Variants in NUTM1 observed in about 807,000 individuals in gnomAD.
NUTM1 encodes the protein NUT midline carcinoma family member 1.
A neutral mutation model predicts 88.7 loss-of-function variants in NUTM1; 39 were observed. The observed-to-expected ratio is 0.44, with a 90% CI of 0.34 to 0.57. The LOEUF (loss-of-function observed/expected upper bound fraction) is 0.57. NUTM1 is among the 20% of genes least tolerant of loss of function. The probability of loss-of-function intolerance (pLI) is 0.01; values close to 1 mark genes in which losing one functional copy is unlikely to be tolerated. For synonymous variants in NUTM1, 494 were observed against 538.0 expected (o/e 0.92, Z 1.13); for missense variants, 1,350 against 1,414.5 (o/e 0.95, Z 0.73).
At chr15:34,350,949 C>A (rs374307277) in intron 4 of NUTM1, 117 bp downstream of exon 4, 14 of 1,297,446 alleles carry the variant, frequency 1.1e-5, no homozygotes, top group South Asian at 9.0e-5. Context: ...TGGGGCGCAG[C>A]GGCTCACGCC....
Position 34,355,506 on chromosome 15 carries a change from A to G in NUTM1, c.1498A>G (p.Met500Val), listed in dbSNP as rs1250457630. 6.2e-7 allele frequency: 1 copy of G among 1,614,162 alleles called. No homozygotes were observed. The highest frequency in any genetic ancestry group is 2.2e-5 in the East Asian group (1 of 44,884). The change falls in exon 8 of 8, where the codon ATG becomes GTG. Residue 500 changes from methionine (M) to valine (V), a missense_variant. Around this residue, in one of 5 missense-constraint regions of NUTM1, gnomAD observed 126 missense variants for 189.8 expected, o/e 0.66. Coordinates refer to ENST00000537011, the MANE Select transcript of NUTM1 (RefSeq NM_001284292.2). The surrounding 1 kb of genome is among the most constrained non-coding windows in gnomAD (Gnocchi z 4.3). ...TLAQLVQKRL[M>V]ALEEEEDAEA... is the part of the protein sequence containing the mutation. ...CTTTCAGCTGGTCCAGAAGCGACTC[A>G]TGGCCTTGGAAGAGGAGGAAGATGC...
In NUTM1 at chr15:34,355,356, T is replaced by G; in HGVS notation, c.1480-132T>G. On this transcript the variant is annotated intron_variant, in intron 7 of 7. Coordinates refer to ENST00000537011, the MANE Select transcript of NUTM1 (RefSeq NM_001284292.2). This position sits in a 1 kb window ranked among gnomAD's most constrained non-coding sequence, Gnocchi z 4.3. ...AAGAAGGTGGGAAAGAGCTGCAGTA[T>G]CTGTCTTTGCTACCATCGCTTAAAC... The G allele has an allele frequency of 3.6e-6, 3 of 839,732 alleles. No homozygotes were observed. Among genetic ancestry groups the G allele is most frequent in the Non-Finnish European group, 3.8e-6 (2 of 527,018 alleles). 52.0% of individuals were successfully genotyped at this position (839,732 alleles called of 1,614,324 possible).
In NUTM1 at chr15:34,343,496, G is replaced by A; in HGVS notation, c.-201G>A. 8.1e-7 allele frequency: 1 copy of A among 1,229,310 alleles called. No homozygotes were observed. The highest frequency in any genetic ancestry group is 1.1e-6 in the Non-Finnish European group (1 of 895,308). 76.2% of individuals were successfully genotyped at this position (1,229,310 alleles called of 1,614,324 possible). On this transcript the variant is annotated 5_prime_UTR_variant, in exon 1 of 8. Transcript: ENST00000537011. The stretch of plus-strand genomic sequence containing the variant: ...CCCCTTTACCCTAGGGAAGAAAGAA[G>A]AGGTTTTCTTCCCTCCCCTCTTTTA...
chr15:34,355,355 A>G lies in NUTM1; in HGVS notation c.1480-133A>G, dbSNP rs1890782147. The G allele has an allele frequency of 1.2e-6, 1 of 831,982 alleles. No homozygotes were observed. Among genetic ancestry groups the G allele is most frequent in the African/African-American group, 1.7e-5 (1 of 58,744 alleles). 51.5% of individuals were successfully genotyped at this position (831,982 alleles called of 1,614,324 possible). On this transcript the variant is annotated intron_variant, in intron 7 of 7. Transcript: ENST00000537011. This position sits in a 1 kb window ranked among gnomAD's most constrained non-coding sequence, Gnocchi z 4.3. ...CAAGAAGGTGGGAAAGAGCTGCAGT[A>G]TCTGTCTTTGCTACCATCGCTTAAA...
At chr15:34,350,945 G>A (rs1251312796) in intron 4 of NUTM1, 113 bp downstream of exon 4, 32 of 1,370,328 alleles carry the variant, frequency 2.3e-5, no homozygotes, top group South Asian at 2.2e-4. Context: ...AGGATGGGGC[G>A]CAGCGGCTCA....
chr15:34,354,717 G>A lies in NUTM1; in HGVS notation c.1347G>A (p.Lys449=). 6.2e-7 allele frequency: 1 copy of A among 1,614,182 alleles called. No individual in the cohort carries two copies. Among genetic ancestry groups the A allele is most frequent in the South Asian group, 1.1e-5 (1 of 91,048 alleles). Reference sequence around the variant, plus strand: ...ACATCAATGAGCTGTGTTCTCAGAAGGTCTTTGTCTCCAAGGTGAGCTGGG... The same window carrying A: ...ACATCAATGAGCTGTGTTCTCAGAAAGTCTTTGTCTCCAAGGTGAGCTGGG... ...LSYINELCSQ[K]VFVSKVEAVI... Residue 449 remains lysine, a synonymous_variant, in exon 6 of 8, where the codon AAG becomes AAA. Coordinates refer to ENST00000537011, the MANE Select transcript of NUTM1 (RefSeq NM_001284292.2).
In NUTM1 at chr15:34,353,846, T is replaced by A; in HGVS notation, c.1049T>A (p.Leu350Gln). 2 of 1,613,544 alleles carry A rather than the reference T, an allele frequency of 1.2e-6. No individual in the cohort carries two copies. Among genetic ancestry groups the A allele is most frequent in the Non-Finnish European group, 8.5e-7 (1 of 1,179,820 alleles). Residue 350 changes from leucine (L) to glutamine (Q), a missense_variant, in exon 5 of 8, where the codon CTG becomes CAG. Transcript: ENST00000537011. ...TTGAAACTTGATCCTCTAGGGCCCC[T>A]GGCCTCTGAGGTTTGCCAGCAGCCA... ...TPLKLDPLGPLASEVCQQPVY... is the reference protein window; with the variant it reads ...TPLKLDPLGPQASEVCQQPVY...
Position 34,357,186 on chromosome 15 carries a change from C to T in NUTM1, c.3178C>T (p.Pro1060Ser). ...CTTGGCCTCTAAACTTAGCCTCTCACCAAGGGAGCATCCCCTCAGTCCTCA... is the reference window on the plus strand; with the variant it reads ...CTTGGCCTCTAAACTTAGCCTCTCATCAAGGGAGCATCCCCTCAGTCCTCA... ...YLLASKLSLS[P>S]REHPLSPHHA... Residue 1060 changes from proline to serine, a missense_variant, in exon 8 of 8, where the codon CCA becomes TCA. Coordinates refer to ENST00000537011, the MANE Select transcript of NUTM1 (RefSeq NM_001284292.2). The T allele has an allele frequency of 9.3e-6, 15 of 1,614,196 alleles. No individual in the cohort carries two copies. Among genetic ancestry groups the T allele is most frequent in the Non-Finnish European group, 1.3e-5 (15 of 1,180,038 alleles).
chr15:34,346,965 G>A (rs1890604213), intron 2 of NUTM1, among the ~76,000 whole-genome samples: 1 of 150,168 alleles, frequency 6.7e-6, no homozygotes, highest in African/African-American at 2.4e-5. Flanking sequence ...ATAGGGGTCT[G>A]TGTGTCTTGT....
At position 34,355,827 on chromosome 15, in the gene NUTM1, T is replaced by C. The variant is rs769831562; in HGVS notation, c.1819T>C (p.Leu607=). ...LAAPQGTPGP[L]GVERRGSGKV... Reference sequence around the variant, plus strand: ...AGCTCCACAGGGAACTCCGGGACCCTTGGGTGTGGAGAGGAGAGGGTCTGG... The same window carrying C: ...AGCTCCACAGGGAACTCCGGGACCCCTGGGTGTGGAGAGGAGAGGGTCTGG... Residue 607 remains leucine, a synonymous_variant, in exon 8 of 8, where the codon TTG becomes CTG. Coordinates refer to ENST00000537011, the MANE Select transcript of NUTM1 (RefSeq NM_001284292.2). This position sits in a 1 kb window ranked among gnomAD's most constrained non-coding sequence, Gnocchi z 4.3. 22 of 1,613,946 alleles carry C rather than the reference T, an allele frequency of 1.4e-5. No individual in the cohort carries two copies. Among genetic ancestry groups the C allele is most frequent in the Admixed American group, 3.3e-5 (2 of 59,994 alleles).
intron 2 of NUTM1, among the ~76,000 whole-genome samples, chr15:34,347,624 C>G (rs1890618980): frequency 6.6e-6 from 1 of 152,078 alleles, no homozygotes; most frequent in Non-Finnish European, 1.5e-5. Context: ...GAGGCCGAAG[C>G]AGGCGGATCA....
At position 34,357,373 on chromosome 15, in the gene NUTM1, T is replaced by A; in HGVS notation, c.3365T>A (p.Leu1122His). Reference sequence around the variant, plus strand: ...AAGACACCCCACTCAGGAGCTCAACTTGGGGTCCCCAGGGAGAAACCCCTA... The same window carrying A: ...AAGACACCCCACTCAGGAGCTCAACATGGGGTCCCCAGGGAGAAACCCCTA... Reference protein sequence around the residue: ...TEKTPHSGAQLGVPREKPLAL... With the variant: ...TEKTPHSGAQHGVPREKPLAL... Residue 1122 changes from leucine (L) to histidine (H), a missense_variant, in exon 8 of 8, where the codon CTT becomes CAT. Leu to His is a moderately conservative substitution (Grantham distance 99). Transcript: ENST00000537011. 6.2e-7 allele frequency: 1 copy of A among 1,614,196 alleles called. No individual in the cohort carries two copies. Among genetic ancestry groups the A allele is most frequent in the South Asian group, 1.1e-5 (1 of 91,090 alleles).
chr15:34,347,430 G>A (rs1041624749), intron 2 of NUTM1, among the ~76,000 whole-genome samples: 8 of 152,032 alleles, frequency 5.3e-5, no homozygotes, highest in South Asian at 2.1e-4. Context: ...GCTTATTTTC[G>A]TATTTTTAAT....
intron 3 of NUTM1, among the ~76,000 whole-genome samples, chr15:34,349,525 G>A (rs368248210): frequency 2.0e-5 from 3 of 152,150 alleles, no homozygotes; most frequent in South Asian, 2.1e-4. Flanking sequence ...GGAGCCCAGG[G>A]TCCTAGGCTG....
rs138169564 is a variant in NUTM1 at position 34,349,144 on chromosome 15, T to G, written c.809+467T>G. Among the ~76,000 whole-genome samples, 470 of 152,276 alleles carry G rather than the reference T, an allele frequency of 3.1e-3. 3 individuals carry two copies. The Middle Eastern group carries it at 0.044, about 14-fold the overall frequency. On this transcript the variant is annotated intron_variant, in intron 3 of 7. Coordinates refer to ENST00000537011, the MANE Select transcript of NUTM1 (RefSeq NM_001284292.2). ...CAGTGTGGGGCCAGGCAAAGGACTT[T>G]GTGTGTGCTGCTCCCTCTGCTCCCT...
Position 34,357,357 on chromosome 15 carries a change from C to T in NUTM1, c.3349C>T (p.His1117Tyr). ...GGPAPTEKTP[H>Y]SGAQLGVPRE... ...TCCAGCCCCTACTGAAAAGACACCCCACTCAGGAGCTCAACTTGGGGTCCC... is the reference window on the plus strand; with the variant it reads ...TCCAGCCCCTACTGAAAAGACACCCTACTCAGGAGCTCAACTTGGGGTCCC... The change falls in exon 8 of 8, where the codon CAC (histidine) becomes TAC (tyrosine). Residue 1117 changes from histidine to tyrosine, a missense_variant. This residue lies in a region of NUTM1 where 730 missense variants were observed against 728.8 expected (regional missense o/e 1.00). Coordinates refer to ENST00000537011, the MANE Select transcript of NUTM1 (RefSeq NM_001284292.2). 6.2e-7 allele frequency: 1 copy of T among 1,614,210 alleles called. No homozygotes were observed. The highest frequency in any genetic ancestry group is 2.2e-5 in the East Asian group (1 of 44,876).
Position 34,356,605 on chromosome 15 carries a change from A to G in NUTM1, c.2597A>G (p.Glu866Gly), listed in dbSNP as rs770680642. 10 of 1,613,938 alleles carry G rather than the reference A, an allele frequency of 6.2e-6. No homozygotes were observed. The highest frequency in any genetic ancestry group is 7.6e-6 in the Non-Finnish European group (9 of 1,179,966). ...TVGHPSDLWAEGCFPLLESGD... is the reference protein window; with the variant it reads ...TVGHPSDLWAGGCFPLLESGD... ...GGGCATCCCAGTGATCTGTGGGCAG[A>G]AGGTTGCTTCCCATTGCTAGAAAGT... The change falls in exon 8 of 8, where the codon GAA becomes GGA. Residue 866 changes from glutamate to glycine, a missense_variant. By Grantham distance (98) the Glu-to-Gly change is moderately conservative. This residue lies in a region of NUTM1 where 730 missense variants were observed against 728.8 expected (regional missense o/e 1.00). Coordinates refer to ENST00000537011, the MANE Select transcript of NUTM1 (RefSeq NM_001284292.2).
Position 34,355,867 on chromosome 15 carries a change from A to G in NUTM1, c.1859A>G (p.Gln620Arg), listed in dbSNP as rs1890796226. The G allele has an allele frequency of 3.1e-6, 5 of 1,613,810 alleles. No homozygotes were observed. In the South Asian group the frequency reaches 5.5e-5, roughly 18 times the overall value. The change falls in exon 8 of 8, where the codon CAG becomes CGG. Residue 620 changes from glutamine (Q) to arginine (R), a missense_variant. Transcript: ENST00000537011. This position sits in a 1 kb window ranked among gnomAD's most constrained non-coding sequence, Gnocchi z 4.3. ...AGAGGGTCTGGGAAGGTTATAAACC[A>G]GGTATCTCTACATCAGGATGGCCAT... ...ERRGSGKVIN[Q>R]VSLHQDGHLG...
chr15:34,357,678 T>A lies in NUTM1; in HGVS notation c.*187T>A. The A allele has an allele frequency of 9.2e-7, 1 of 1,082,132 alleles. No homozygotes were observed. The highest frequency in any genetic ancestry group is 1.4e-6 in the Non-Finnish European group (1 of 715,902). 67.0% of individuals were successfully genotyped at this position (1,082,132 alleles called of 1,614,324 possible). ...AGACTGGCTAGGCTGCAGGGGGAAT[T>A]ACCTTTGGAAGGAGCTATATAGAAA... is the stretch of plus-strand genomic sequence containing the variant. On this transcript the variant is annotated 3_prime_UTR_variant, in exon 8 of 8. Transcript: ENST00000537011.
Sources: gnomAD v4.1 joint callset for allele counts (sites outside exome capture counted in the v4.1 genomes callset) on GRCh38, gnomAD v4.1.1 for gene constraint, gnomAD v4.1.1 regional missense constraint, Gnocchi (gnomAD v3.1) non-coding constraint, MANE v1.5 for transcripts, NCBI Gene and HGNC (gene_info 2026-07-23, HGNC 2026-07-21) for gene names.